Variants in CMSS1 observed in about 807,000 individuals in gnomAD.
CMSS1 encodes the protein protein CMSS1.
Under a neutral mutation model 43.5 loss-of-function variants are expected in CMSS1, and 33 were observed. The ratio of observed to expected loss-of-function variants is 0.76; its 90% CI spans 0.57 to 1.01. CMSS1 has a LOEUF of 1.01. Among genes scored for constraint, CMSS1 ranks in the 50% least tolerant of loss-of-function variants. The pLI is 0.00. For missense variants in CMSS1, 313 were observed against 326.4 expected, an observed-to-expected ratio of 0.96 and a Z score of 0.32; for synonymous variants, 115 against 117.2, an observed-to-expected ratio of 0.98 and a Z score of 0.12.
At chr3:99,987,155 A>C (rs1001518649) in intron 1 of CMSS1, among the ~76,000 whole-genome samples, 1 of 151,576 alleles carries the variant, frequency 6.6e-6, no homozygotes, top group African/African-American at 2.4e-5. Flanking sequence ...ACTTAAGCCC[A>C]GGAGGTTGAG....
At position 99,823,028 on chromosome 3, in the gene CMSS1, G is replaced by T. The variant is rs201416248; in HGVS notation, c.64+4985G>T. On this transcript the variant is annotated intron_variant, in intron 1 of 9. Transcript: ENST00000421999. ...TGCAGGCAGTCTGAAACCAGAGCCT[G>T]TGTGCTTATATTTCGCATTCTCATT... 3.9e-5 allele frequency among the ~76,000 whole-genome samples: 6 copies of T among 152,294 alleles called. No homozygotes were observed. In the East Asian group the frequency reaches 9.6e-4, roughly 24 times the overall value.
chr3:99,983,472 A>G (rs762448850), intron 1 of CMSS1, among the ~76,000 whole-genome samples: 442 of 13,166 alleles, frequency 0.034, 14 homozygotes, highest in South Asian at 0.22. Context: ...GTGTATATAT[A>G]TATATATATA....
intron 1 of CMSS1, among the ~76,000 whole-genome samples, chr3:99,821,112 T>C (rs1205765852): frequency 1.3e-5 from 2 of 152,236 alleles, no homozygotes; most frequent in Non-Finnish European, 2.9e-5. Context: ...TTGGCTGTTA[T>C]CATGTCTTCT....
chr3:99,975,031 C>A (rs944366490), intron 1 of CMSS1, among the ~76,000 whole-genome samples: 6 of 152,140 alleles, frequency 3.9e-5, no homozygotes, highest in African/African-American at 1.4e-4. Flanking sequence ...TCATTAATTA[C>A]AGTTAATAAC....
chr3:99,826,688 T>G (rs1488136726), intron 1 of CMSS1, among the ~76,000 whole-genome samples: 1 of 152,246 alleles, frequency 6.6e-6, no homozygotes, highest in Non-Finnish European at 1.5e-5. Context: ...TGTTTTACCT[T>G]AGTTACTCCG....
intron 1 of CMSS1, among the ~76,000 whole-genome samples, chr3:99,845,637 C>T (rs2107514789): frequency 6.6e-6 from 1 of 152,176 alleles, no homozygotes; most frequent in Non-Finnish European, 1.5e-5. Flanking sequence ...CTCTCACACG[C>T]ACACAAAAAA....
intron 7 of CMSS1, 120 bp downstream of exon 7, chr3:100,172,019 T>A: frequency 1.3e-6 from 1 of 793,042 alleles, no homozygotes; most frequent in Non-Finnish European, 2.0e-6. Flanking sequence ...TATGTAACAT[T>A]TAACAACTTT....
chr3:100,134,338 C>T (rs1467647270), intron 1 of CMSS1, among the ~76,000 whole-genome samples: 2 of 152,130 alleles, frequency 1.3e-5, no homozygotes, highest in African/African-American at 4.8e-5. Flanking sequence ...CTTCATCAAT[C>T]CACAATTAAG....
chr3:100,025,936 G>A, intron 1 of CMSS1, among the ~76,000 whole-genome samples: 1 of 152,114 alleles, frequency 6.6e-6, no homozygotes, highest in East Asian at 1.9e-4. Context: ...TCCCTTGTTT[G>A]GAAAGCACAG....
intron 1 of CMSS1, among the ~76,000 whole-genome samples, chr3:100,099,882 T>A (rs1188713569): frequency 6.6e-6 from 1 of 152,180 alleles, no homozygotes; most frequent in Non-Finnish European, 1.5e-5. Context: ...GGAACTGAGT[T>A]GCTGAGAGTG....
chr3:99,836,596 T>C (rs528740025), intron 1 of CMSS1, among the ~76,000 whole-genome samples: 15 of 152,298 alleles, frequency 9.8e-5, no homozygotes, highest in Middle Eastern at 3.4e-3. Context: ...TCTACATCCC[T>C]TTCCCAGAGC....
rs113341190 is a variant in CMSS1 at position 99,907,565 on chromosome 3, T to A, written c.64+89522T>A. 7.2e-3 allele frequency among the ~76,000 whole-genome samples: 1,100 copies of A among 152,218 alleles called. 19 individuals are homozygous for A. Among genetic ancestry groups the A allele is most frequent in the African/African-American group, 0.024 (1,014 of 41,548 alleles). ...CCTGGCGTACCCCTTTATTTTGACA[T>A]CTGCAGCTCTTTGCTGAACATAACA... On this transcript the variant is annotated intron_variant, in intron 1 of 9. Coordinates refer to ENST00000421999, the MANE Select transcript of CMSS1 (RefSeq NM_032359.4).
chr3:99,831,654 A>T (rs1240019272), intron 1 of CMSS1, among the ~76,000 whole-genome samples: 2 of 152,210 alleles, frequency 1.3e-5, no homozygotes, highest in Non-Finnish European at 2.9e-5. Flanking sequence ...ATGTCCTGTA[A>T]CTTTATCAAG....
intron 1 of CMSS1, among the ~76,000 whole-genome samples, chr3:100,109,582 G>A (rs1045090643): frequency 6.6e-6 from 1 of 152,070 alleles, no homozygotes; most frequent in Non-Finnish European, 1.5e-5. Flanking sequence ...AACTCATTCA[G>A]GATGCAGCTT....
chr3:100,171,940 A>G lies in CMSS1; in HGVS notation c.579+41A>G, dbSNP rs778635631. On this transcript the variant is annotated intron_variant, in intron 7 of 9. Coordinates refer to ENST00000421999, the MANE Select transcript of CMSS1 (RefSeq NM_032359.4). ...TGTGATCCCTAAAGGCCTCTCCCAGACCTCAGCTTTTTTCCTTTCAACCTC... is the reference window on the plus strand; with the variant it reads ...TGTGATCCCTAAAGGCCTCTCCCAGGCCTCAGCTTTTTTCCTTTCAACCTC... 2.7e-6 allele frequency: 4 copies of G among 1,492,622 alleles called. No homozygotes were observed. In the South Asian group the frequency reaches 4.5e-5, roughly 17 times the overall value. 92.5% of individuals were successfully genotyped at this position (1,492,622 alleles called of 1,614,324 possible).
chr3:99,880,526 A>G (rs930587180), intron 1 of CMSS1, among the ~76,000 whole-genome samples: 9 of 152,154 alleles, frequency 5.9e-5, no homozygotes, highest in African/African-American at 9.7e-5. Flanking sequence ...TCAGCTGACT[A>G]TGACTCTAGA....
At chr3:100,159,569 G>C (rs1196021319) in intron 2 of CMSS1, among the ~76,000 whole-genome samples, 1 of 152,170 alleles carries the variant, frequency 6.6e-6, no homozygotes, top group Non-Finnish European at 1.5e-5. Flanking sequence ...CTCAGAATAA[G>C]TTTTCACTTA....
intron 1 of CMSS1, among the ~76,000 whole-genome samples, chr3:100,134,422 G>A (rs773677459): frequency 9.2e-5 from 14 of 152,188 alleles, no homozygotes; most frequent in Non-Finnish European, 2.1e-4. Context: ...TTCTGTCGCT[G>A]TTCTGGGAGC....
rs541868283 is a variant in CMSS1 at position 100,100,943 on chromosome 3, A to G, written c.65-46030A>G. On this transcript the variant is annotated intron_variant, in intron 1 of 9. Coordinates refer to ENST00000421999, the MANE Select transcript of CMSS1 (RefSeq NM_032359.4). Reference sequence around the variant, plus strand: ...CCAAGATTTAGCTTCCTTGTGTGTTAGTGGTCAGTTTTTTAGCCCAGGTAT... The same window carrying G: ...CCAAGATTTAGCTTCCTTGTGTGTTGGTGGTCAGTTTTTTAGCCCAGGTAT... Among the ~76,000 whole-genome samples, 22 of 152,176 alleles carry G rather than the reference A, an allele frequency of 1.4e-4. No individual in the cohort carries two copies. The South Asian group carries it at 4.0e-3, about 27-fold the overall frequency.
Sources: gnomAD v4.1 joint callset for allele counts (sites outside exome capture counted in the v4.1 genomes callset) on GRCh38, gnomAD v4.1.1 for gene constraint, MANE v1.5 for transcripts, NCBI Gene and HGNC (gene_info 2026-07-23, HGNC 2026-07-21) for gene names.